Variants in LHFPL3 observed in about 807,000 individuals in gnomAD.
LHFPL3 encodes LHFPL tetraspan subfamily member 3, also known as LHFPL tetraspan subfamily member 3 protein.
In LHFPL3, 5 loss-of-function variants were observed where a neutral mutation model predicts 19.3. That is an observed-to-expected ratio of 0.26 (90% CI 0.14 to 0.54). The LOEUF (loss-of-function observed/expected upper bound fraction) is 0.54, where lower values mean the gene tolerates loss of function less well. Among genes scored for constraint, LHFPL3 ranks in the 20% least tolerant of loss-of-function variants. The pLI is 0.94. For missense variants in LHFPL3, 249 were observed against 307.4 expected, an observed-to-expected ratio of 0.81 and a Z score of 1.42; for synonymous variants, 133 against 126.2, an observed-to-expected ratio of 1.05 and a Z score of -0.36.
At chr7:104,335,235 C>T (rs1449732368) in intron 1 of LHFPL3, among the ~76,000 whole-genome samples, 1 of 152,156 alleles carries the variant, frequency 6.6e-6, no homozygotes, top group Non-Finnish European at 1.5e-5. Context: ...GCTTATGCAT[C>T]CTGAGTTCAG....
At chr7:104,653,791 C>G (rs1792075524) in intron 1 of LHFPL3, among the ~76,000 whole-genome samples, 1 of 152,178 alleles carries the variant, frequency 6.6e-6, no homozygotes, top group South Asian at 2.1e-4. Context: ...CATCCCTCCT[C>G]CCAGCCAAGA....
At chr7:104,818,593 G>T (rs1225014365) in intron 2 of LHFPL3, among the ~76,000 whole-genome samples, 1 of 152,090 alleles carries the variant, frequency 6.6e-6, no homozygotes, top group Non-Finnish European at 1.5e-5. Context: ...TGACCCTGGG[G>T]TAAACATATC....
At chr7:104,518,232 AATAATT>A (rs1173062788) in intron 1 of LHFPL3, among the ~76,000 whole-genome samples, 1 of 152,190 alleles carries the variant, frequency 6.6e-6, no homozygotes, top group East Asian at 1.9e-4. Flanking sequence ...TATTACTACT[AATAATT>A]ATAATTCAGA....
intron 1 of LHFPL3, among the ~76,000 whole-genome samples, chr7:104,353,293 A>G (rs1168500917): frequency 6.6e-6 from 1 of 152,244 alleles, no homozygotes; most frequent in Non-Finnish European, 1.5e-5. Flanking sequence ...TGCATGAAAC[A>G]GGAGTAAATT....
intron 1 of LHFPL3, among the ~76,000 whole-genome samples, chr7:104,582,650 A>C (rs1216942305): frequency 1.3e-5 from 2 of 151,986 alleles, no homozygotes; most frequent in African/African-American, 4.8e-5. Flanking sequence ...ATCTGTTTTG[A>C]ATGGGTGTTG....
chr7:104,512,766 A>G (rs964088498), intron 1 of LHFPL3, among the ~76,000 whole-genome samples: 6 of 151,992 alleles, frequency 3.9e-5, no homozygotes, highest in Non-Finnish European at 7.4e-5. Flanking sequence ...GAGAGAGAGA[A>G]AGAAAGTAGG....
chr7:104,668,749 A>G (rs1342897892), intron 1 of LHFPL3: 103 of 1,524,250 alleles, frequency 6.8e-5, no homozygotes, highest in Non-Finnish European at 8.9e-5. Flanking sequence ...AACTGAATCT[A>G]AAGCCTCGGA....
rs1584470026 is a variant in LHFPL3, at chr7:104,667,369, A to C, written c.446-69306A>C. On this transcript the variant is annotated intron_variant, in intron 1 of 2. Coordinates refer to ENST00000424859, the MANE Select transcript of LHFPL3 (RefSeq NM_199000.3). ...ACTCTTGCATTCACAAATCACTTTC[A>C]CCCTCCCTGCCTGTATTAAGCATCA... Among the ~76,000 whole-genome samples, 3 of 151,888 alleles carry C rather than the reference A, an allele frequency of 2.0e-5. No individual in the cohort carries two copies. In the South Asian group the frequency reaches 6.3e-4, roughly 32 times the overall value.
At chr7:104,715,844 T>C (rs540600862) in intron 1 of LHFPL3, among the ~76,000 whole-genome samples, 243 of 152,322 alleles carry the variant, frequency 1.6e-3, no homozygotes, top group African/African-American at 5.6e-3. Context: ...GATGTCAGCC[T>C]ACAGTTTTCT....
At chr7:104,510,972 TG>T (rs1793801654) in intron 1 of LHFPL3, among the ~76,000 whole-genome samples, 2 of 152,164 alleles carry the variant, frequency 1.3e-5, no homozygotes, top group Admixed American at 1.3e-4. Context: ...ACCTGGGTGA[TG>T]AAATAATCTG....
At chr7:104,459,717 C>T (rs547348131) in intron 1 of LHFPL3, among the ~76,000 whole-genome samples, 1 of 152,108 alleles carries the variant, frequency 6.6e-6, no homozygotes, top group Non-Finnish European at 1.5e-5. Flanking sequence ...TTATTCTTGT[C>T]CTTTTGTTCC....
chr7:104,827,790 G>T (rs1368502094), intron 2 of LHFPL3, among the ~76,000 whole-genome samples: 2 of 151,832 alleles, frequency 1.3e-5, no homozygotes, highest in African/African-American at 4.9e-5. Flanking sequence ...TTATTTTGGA[G>T]ATGCTTGGTT....
chr7:104,745,717 G>A (rs1156915227), intron 2 of LHFPL3, among the ~76,000 whole-genome samples: 1 of 152,152 alleles, frequency 6.6e-6, no homozygotes, highest in East Asian at 1.9e-4. Flanking sequence ...GCTGCCCTGG[G>A]TTGAAAATGT....
At chr7:104,344,155 A>G (rs1790018837) in intron 1 of LHFPL3, among the ~76,000 whole-genome samples, 1 of 152,150 alleles carries the variant, frequency 6.6e-6, no homozygotes, top group Non-Finnish European at 1.5e-5. Flanking sequence ...TGATAAGATA[A>G]TTATAATACT....
intron 2 of LHFPL3, among the ~76,000 whole-genome samples, chr7:104,837,767 C>T (rs1791125675): frequency 6.6e-6 from 1 of 152,158 alleles, no homozygotes; most frequent in Non-Finnish European, 1.5e-5. Flanking sequence ...CAACTTTAAA[C>T]TCAGTCTAAC....
intron 1 of LHFPL3, among the ~76,000 whole-genome samples, chr7:104,681,133 G>T (rs1434747284): frequency 1.4e-5 from 2 of 146,764 alleles, no homozygotes; most frequent in African/African-American, 2.5e-5. Context: ...ATACCTTTTG[G>T]TTTTTTGTCT....
At chr7:104,703,951 A>G (rs1022131339) in intron 1 of LHFPL3, among the ~76,000 whole-genome samples, 4 of 152,154 alleles carry the variant, frequency 2.6e-5, no homozygotes, top group African/African-American at 9.7e-5. Context: ...CTCTTTTAAT[A>G]TATCACAATA....
intron 1 of LHFPL3, among the ~76,000 whole-genome samples, chr7:104,481,777 G>T (rs1793141860): frequency 6.6e-6 from 1 of 152,060 alleles, no homozygotes; most frequent in African/African-American, 2.4e-5. Context: ...CACATAAAAA[G>T]CTAGCCCTGC....
intron 2 of LHFPL3, among the ~76,000 whole-genome samples, chr7:104,829,060 A>G (rs1211468374): frequency 1.3e-5 from 2 of 151,250 alleles, no homozygotes; most frequent in East Asian, 1.9e-4. Context: ...AAACATACTG[A>G]CTCCCAAAGC....
Sources: allele counts gnomAD v4.1 joint callset (sites outside exome capture counted in the v4.1 genomes callset), GRCh38; gene constraint gnomAD v4.1.1; transcripts MANE v1.5; gene names NCBI Gene and HGNC (gene_info 2026-07-23, HGNC 2026-07-21).